Variants in LRRC8D observed in about 807,000 individuals in gnomAD.
LRRC8D encodes the protein leucine rich repeat containing 8 VRAC subunit D.
LRRC8D carries 20 observed loss-of-function variants against 55.8 expected under a neutral mutation model. That is an observed-to-expected ratio of 0.36 (90% CI 0.25 to 0.52). The LOEUF (loss-of-function observed/expected upper bound fraction) is 0.52. LRRC8D is among the 20% of genes least tolerant of loss of function. The probability of loss-of-function intolerance (pLI) is 0.93; values close to 1 mark genes in which losing one functional copy is unlikely to be tolerated. For missense variants in LRRC8D, 651 were observed against 1,030.8 expected, an observed-to-expected ratio of 0.63 and a Z score of 5.05; for synonymous variants, 352 against 377.0, an observed-to-expected ratio of 0.93 and a Z score of 0.77.
At chr1:89,896,197 C>T (rs568360503) in intron 2 of LRRC8D, among the ~76,000 whole-genome samples, 1 of 151,908 alleles carries the variant, frequency 6.6e-6, no homozygotes, top group African/African-American at 2.4e-5. Flanking sequence ...AGAGGATCAG[C>T]CTTGAAGACT....
chr1:89,837,638 G>C (rs774378577), intron 1 of LRRC8D, among the ~76,000 whole-genome samples: 15 of 152,200 alleles, frequency 9.9e-5, no homozygotes, highest in Admixed American at 2.6e-4. Context: ...TCATAGGGTT[G>C]TTGTCAGGAA....
At chr1:89,918,727 G>T (rs1663338458) in intron 2 of LRRC8D, among the ~76,000 whole-genome samples, 2 of 152,286 alleles carry the variant, frequency 1.3e-5, no homozygotes, top group Middle Eastern at 3.4e-3. Flanking sequence ...CATGCAGGTG[G>T]TCTATCCGAA....
chr1:89,928,189 G>C (rs1019339357), intron 2 of LRRC8D, among the ~76,000 whole-genome samples: 9 of 152,108 alleles, frequency 5.9e-5, no homozygotes, highest in African/African-American at 1.9e-4. Flanking sequence ...TCCTGCCTCA[G>C]CCTCCTGAGT....
chr1:89,830,610 G>T (rs920501939), intron 1 of LRRC8D, among the ~76,000 whole-genome samples: 1 of 152,158 alleles, frequency 6.6e-6, no homozygotes, highest in Non-Finnish European at 1.5e-5. Context: ...CTCAGGGTGG[G>T]GTCATCAGGA....
intron 2 of LRRC8D, among the ~76,000 whole-genome samples, chr1:89,852,828 T>G (rs554608641): frequency 1.3e-5 from 2 of 152,180 alleles, no homozygotes; most frequent in South Asian, 4.1e-4. Flanking sequence ...ATGTGGAACA[T>G]GGACTAGGAG....
At chr1:89,887,182 G>A (rs964022764) in intron 2 of LRRC8D, among the ~76,000 whole-genome samples, 3 of 152,208 alleles carry the variant, frequency 2.0e-5, no homozygotes, top group African/African-American at 7.2e-5. Context: ...CGATTTATCT[G>A]ATTAAGTTAA....
chr1:89,933,055 C>T lies in LRRC8D; in HGVS notation c.-2-12C>T. The stretch of plus-strand genomic sequence containing the variant: ...TCTCTAGAATAATGTCTTTTGTCTT[C>T]TTGTTTTCTAGGAATGTTTACCCTT... On this transcript the variant is annotated splice_polypyrimidine_tract_variant and intron_variant, in intron 2 of 2. Coordinates refer to ENST00000337338, the MANE Select transcript of LRRC8D (RefSeq NM_001134479.2). The surrounding 1 kb of genome is among the most constrained non-coding windows in gnomAD (Gnocchi z 7.0). 1 of 1,595,632 alleles carries T rather than the reference C, an allele frequency of 6.3e-7. No individual in the cohort carries two copies. The highest frequency in any genetic ancestry group is 8.6e-7 in the Non-Finnish European group (1 of 1,166,070).
chr1:89,836,050 T>C (rs1660998817), intron 1 of LRRC8D, among the ~76,000 whole-genome samples: 1 of 152,208 alleles, frequency 6.6e-6, no homozygotes, highest in Admixed American at 6.5e-5. Flanking sequence ...AAAACCCATA[T>C]CTGGTCAAGA....
chr1:89,827,456 C>T (rs1279393075), intron 1 of LRRC8D, among the ~76,000 whole-genome samples: 2 of 151,964 alleles, frequency 1.3e-5, no homozygotes, highest in African/African-American at 4.8e-5. Context: ...CAGAAAGACA[C>T]TAGAGCTGGA....
chr1:89,924,459 C>G (rs534338617), intron 2 of LRRC8D, among the ~76,000 whole-genome samples: 5 of 152,230 alleles, frequency 3.3e-5, no homozygotes, highest in Non-Finnish European at 5.9e-5. Context: ...CACTTACGCA[C>G]TGCTGGTGGG....
At chr1:89,823,335 G>T (rs565554178) in intron 1 of LRRC8D, among the ~76,000 whole-genome samples, 1 of 151,768 alleles carries the variant, frequency 6.6e-6, no homozygotes, top group Non-Finnish European at 1.5e-5. Context: ...TCTCAAAATC[G>T]CTAAAGTTTA....
intron 2 of LRRC8D, among the ~76,000 whole-genome samples, chr1:89,897,216 T>C (rs751346690): frequency 6.6e-6 from 1 of 152,238 alleles, no homozygotes; most frequent in Admixed American, 6.5e-5. Flanking sequence ...CAATATACCT[T>C]CTTGCTAGTA....
At chr1:89,882,702 A>C (rs1662315507) in intron 2 of LRRC8D, among the ~76,000 whole-genome samples, 1 of 152,210 alleles carries the variant, frequency 6.6e-6, no homozygotes, top group Non-Finnish European at 1.5e-5. Context: ...ATAAATGTTG[A>C]TTGAATTAAT....
At chr1:89,917,565 C>T (rs988469854) in intron 2 of LRRC8D, among the ~76,000 whole-genome samples, 3 of 152,118 alleles carry the variant, frequency 2.0e-5, no homozygotes, top group African/African-American at 7.2e-5. Context: ...TCCACAGGGC[C>T]TTTGCACATT....
chr1:89,847,186 A>G (rs1206758564), intron 2 of LRRC8D, among the ~76,000 whole-genome samples: 1 of 152,250 alleles, frequency 6.6e-6, no homozygotes, highest in Admixed American at 6.5e-5. Flanking sequence ...TTGCACCATT[A>G]ACTAAACTGT....
chr1:89,901,747 G>C (rs778161202), intron 2 of LRRC8D, among the ~76,000 whole-genome samples: 1 of 152,156 alleles, frequency 6.6e-6, no homozygotes, highest in African/African-American at 2.4e-5. Flanking sequence ...AAATAAAGCC[G>C]TGATCATGAG....
At chr1:89,878,554 A>G (rs1257355992) in intron 2 of LRRC8D, among the ~76,000 whole-genome samples, 2 of 152,202 alleles carry the variant, frequency 1.3e-5, no homozygotes. Context: ...CCATGGACTC[A>G]TTGTACTTAG....
chr1:89,926,549 A>G (rs1663570234), intron 2 of LRRC8D, among the ~76,000 whole-genome samples: 1 of 152,234 alleles, frequency 6.6e-6, no homozygotes, highest in African/African-American at 2.4e-5. Context: ...TGCCTCCTTC[A>G]ATAGCCAACC....
Position 89,906,178 on chromosome 1 carries a change from TA to T in LRRC8D, c.-2-26882del, listed in dbSNP as rs758450339. ...TTCTTTCAAGCATCACTTTTAGGCTTAAAAAAATCCCTATTTGACTAAAGAA... is the reference window on the plus strand; with the variant it reads ...TTCTTTCAAGCATCACTTTTAGGCTTAAAAAATCCCTATTTGACTAAAGAA... On this transcript the variant is annotated intron_variant, in intron 2 of 2. Coordinates refer to ENST00000337338, the MANE Select transcript of LRRC8D (RefSeq NM_001134479.2). Among the ~76,000 whole-genome samples the T allele has an allele frequency of 9.4e-4, 143 of 152,264 alleles. 1 individual carries two copies. The highest frequency in any genetic ancestry group is 3.2e-3 in the African/African-American group (133 of 41,560).
Sources: gnomAD v4.1 joint callset for allele counts (sites outside exome capture counted in the v4.1 genomes callset) on GRCh38, gnomAD v4.1.1 for gene constraint, Gnocchi (gnomAD v3.1) non-coding constraint, MANE v1.5 for transcripts, NCBI Gene and HGNC (gene_info 2026-07-23, HGNC 2026-07-21) for gene names.